The following SNX29 variants were observed in gnomAD, a reference collection of about 807,000 sequenced individuals.
SNX29 encodes sorting nexin-29.
In SNX29, 78 loss-of-function variants were observed where a neutral mutation model predicts 102.1. The ratio of observed to expected loss-of-function variants is 0.76; its 90% CI spans 0.64 to 0.92. The LOEUF (loss-of-function observed/expected upper bound fraction) is 0.92, where lower values mean the gene tolerates loss of function less well. Ranked by LOEUF, SNX29 falls within the 40% of genes least tolerant of loss-of-function variation. The pLI, the probability that SNX29 is intolerant of heterozygous loss-of-function variation, is 0.00. For missense variants in SNX29, 1,280 were observed against 1,061.7 expected (o/e 1.21, Z -2.86); for synonymous variants, 580 against 414.5 (o/e 1.40, Z -4.85).
chr16:12,264,481 A>T (rs2078868155), intron 14 of SNX29, among the ~76,000 whole-genome samples: 1 of 152,238 alleles, frequency 6.6e-6, no homozygotes, highest in Non-Finnish European at 1.5e-5. Context: ...TTATTGCACC[A>T]AATAGAAATG....
intron 8 of SNX29, chr16:12,052,521 C>T (rs2050350497): frequency 2.9e-6 from 1 of 348,792 alleles, no homozygotes; most frequent in Admixed American, 4.2e-5. Context: ...CCAGCCTTCC[C>T]TTGCACTTTT....
chr16:12,041,616 T>C (rs182251668), intron 4 of SNX29, among the ~76,000 whole-genome samples: 1 of 152,342 alleles, frequency 6.6e-6, no homozygotes, highest in Non-Finnish European at 1.5e-5. Context: ...GTCTGCTCGC[T>C]GCCCACCTTC....
At chr16:12,220,974 CT>C (rs747519194) in intron 14 of SNX29, among the ~76,000 whole-genome samples, 1 of 152,186 alleles carries the variant, frequency 6.6e-6, no homozygotes, top group Non-Finnish European at 1.5e-5. Flanking sequence ...TAAATATGTG[CT>C]GTACACATTA....
intron 16 of SNX29, among the ~76,000 whole-genome samples, chr16:12,386,676 C>T (rs1348815562): frequency 2.0e-5 from 3 of 152,156 alleles, no homozygotes; most frequent in Non-Finnish European, 2.9e-5. Context: ...GAATGGAAAA[C>T]ACATGGATGC....
At chr16:12,476,391 TATATATATATATATATATATAC>T (rs1385830682) in intron 18 of SNX29, among the ~76,000 whole-genome samples, 596 of 14,020 alleles carry the variant, frequency 0.043, 24 homozygotes, top group African/African-American at 0.1. Context: ...AAAATATATA[TATATATATATATATATATATAC>T]ATATATATAT....
At chr16:12,285,161 A>G (rs1276938151) in intron 15 of SNX29, among the ~76,000 whole-genome samples, 1 of 152,206 alleles carries the variant, frequency 6.6e-6, no homozygotes. Flanking sequence ...TTGTATCCGT[A>G]TGTAATCAGT....
intron 15 of SNX29, among the ~76,000 whole-genome samples, chr16:12,301,427 A>G (rs1405089848): frequency 6.7e-6 from 1 of 150,070 alleles, no homozygotes; most frequent in Non-Finnish European, 1.5e-5. Context: ...TGTTTCCTAT[A>G]CTCCCTCTCC....
At chr16:11,984,397 G>GAA in intron 1 of SNX29, among the ~76,000 whole-genome samples, 2 of 90,786 alleles carry the variant, frequency 2.2e-5, no homozygotes, top group Non-Finnish European at 4.7e-5. Flanking sequence ...AGAAAAGATT[G>GAA]AGACTGATAT....
At chr16:12,235,140 C>A (rs2040980116) in intron 14 of SNX29, among the ~76,000 whole-genome samples, 1 of 151,892 alleles carries the variant, frequency 6.6e-6, no homozygotes, top group South Asian at 2.1e-4. Flanking sequence ...AGCTGTTGAC[C>A]TTATCAGATG....
chr16:11,989,702 T>C (rs534789376), intron 1 of SNX29, among the ~76,000 whole-genome samples: 1 of 152,224 alleles, frequency 6.6e-6, no homozygotes, highest in African/African-American at 2.4e-5. Context: ...GGGAGAGAGT[T>C]CGTGAGGCTT....
chr16:12,250,420 A>T (rs996051700), intron 14 of SNX29, among the ~76,000 whole-genome samples: 5 of 152,308 alleles, frequency 3.3e-5, no homozygotes, highest in African/African-American at 1.2e-4. Flanking sequence ...CTCATGTTGC[A>T]ATGGCCTGTC....
intron 7 of SNX29, among the ~76,000 whole-genome samples, chr16:12,051,013 G>A (rs1345538253): frequency 1.3e-5 from 2 of 151,956 alleles, no homozygotes; most frequent in African/African-American, 2.4e-5. Flanking sequence ...GAGCCACCGC[G>A]CCCGGCCCTT....
intron 16 of SNX29, among the ~76,000 whole-genome samples, chr16:12,393,031 G>T (rs2083586145): frequency 6.6e-6 from 1 of 152,190 alleles, no homozygotes; most frequent in African/African-American, 2.4e-5. Flanking sequence ...TTGGTGGGAT[G>T]GAAAACAGTT....
At chr16:11,990,074 C>G (rs1054309796) in intron 1 of SNX29, among the ~76,000 whole-genome samples, 9 of 152,132 alleles carry the variant, frequency 5.9e-5, no homozygotes, top group Admixed American at 2.0e-4. Context: ...GTCTCAGTTC[C>G]TTTGTTTGTT....
At chr16:12,362,601 G>T (rs1459758966) in intron 16 of SNX29, among the ~76,000 whole-genome samples, 1 of 93,938 alleles carries the variant, frequency 1.1e-5, no homozygotes, top group Non-Finnish European at 1.9e-5. Context: ...CTCCCCCAGG[G>T]TGCTGGACCT....
At chr16:12,333,091 G>T (rs1244153837) in intron 15 of SNX29, among the ~76,000 whole-genome samples, 2 of 146,300 alleles carry the variant, frequency 1.4e-5, no homozygotes, top group African/African-American at 5.0e-5. Context: ...CAAATGTTTT[G>T]CAGGCAATCA....
chr16:12,559,077 T>G (rs2078556823), intron 20 of SNX29, among the ~76,000 whole-genome samples: 1 of 152,150 alleles, frequency 6.6e-6, no homozygotes, highest in African/African-American at 2.4e-5. Context: ...TACCGCTGTG[T>G]CCCCGTGCTC....
intron 15 of SNX29, among the ~76,000 whole-genome samples, chr16:12,323,892 A>G (rs1387076841): frequency 6.6e-6 from 1 of 152,154 alleles, no homozygotes; most frequent in Non-Finnish European, 1.5e-5. Context: ...AACTTTTATT[A>G]TTACTGGTTT....
chr16:12,193,424 G>C (rs900310283), intron 13 of SNX29, among the ~76,000 whole-genome samples: 1 of 143,718 alleles, frequency 7.0e-6, no homozygotes, highest in Non-Finnish European at 1.5e-5. Flanking sequence ...AGCCGAGATC[G>C]CACCACTGCA....
Sources: gnomAD v4.1 joint callset for allele counts (sites outside exome capture counted in the v4.1 genomes callset) on GRCh38, gnomAD v4.1.1 for gene constraint, MANE v1.5 for transcripts, NCBI Gene and HGNC (gene_info 2026-07-23, HGNC 2026-07-21) for gene names.